The following DNAH14 variants were observed in gnomAD, a reference collection of about 807,000 sequenced individuals.
The protein encoded by DNAH14 is axonemal beta dynein heavy chain 14.
Under a neutral mutation model 520.9 loss-of-function variants are expected in DNAH14, and 478 were observed. The observed-to-expected ratio is 0.92, with a 90% CI of 0.85 to 0.99. The LOEUF is 0.99. Ranked by LOEUF, DNAH14 falls within the 50% of genes least tolerant of loss-of-function variation. The probability of loss-of-function intolerance (pLI) is 0.00; values close to 1 mark genes in which losing one functional copy is unlikely to be tolerated. For synonymous variants in DNAH14, 1,581 were observed against 1,757.2 expected (o/e 0.90, Z 2.51); for missense variants, 4,831 against 5,234.5 (o/e 0.92, Z 2.38).
At chr1:225,177,349 G>A (rs1178758374) in intron 36 of DNAH14, among the ~76,000 whole-genome samples, 1 of 152,174 alleles carries the variant, frequency 6.6e-6, no homozygotes, top group African/African-American at 2.4e-5. Context: ...GAGCATAAAA[G>A]TTTGGAAAAT....
In DNAH14 at chr1:224,995,325, G is replaced by T. The variant is rs538540558; in HGVS notation, c.831-7458G>T. Among the ~76,000 whole-genome samples the T allele has an allele frequency of 2.6e-5, 4 of 152,122 alleles. No homozygotes were observed. The East Asian group carries it at 7.7e-4, about 29-fold the overall frequency. Reference sequence around the variant, plus strand: ...TTGCTGGGGAAAATATTTTTGGCTTGCAGGGGTTGTTTTTTTTTCCCCCTT... The same window carrying T: ...TTGCTGGGGAAAATATTTTTGGCTTTCAGGGGTTGTTTTTTTTTCCCCCTT... On this transcript the variant is annotated intron_variant, in intron 8 of 85. Transcript: ENST00000682510.
intron 41 of DNAH14, among the ~76,000 whole-genome samples, chr1:225,208,701 A>G (rs1454653735): frequency 6.6e-6 from 1 of 152,172 alleles, no homozygotes; most frequent in Non-Finnish European, 1.5e-5. Flanking sequence ...TTTAAACATG[A>G]CAAAAAGTAA....
At chr1:225,031,784 GA>G (rs2066548880) in intron 11 of DNAH14, among the ~76,000 whole-genome samples, 1 of 151,950 alleles carries the variant, frequency 6.6e-6, no homozygotes, top group Non-Finnish European at 1.5e-5. Context: ...TTTAACTCCA[GA>G]AGACATTAAA....
chr1:224,932,442 C>T (rs1245455828), intron 1 of DNAH14, among the ~76,000 whole-genome samples: 1 of 152,034 alleles, frequency 6.6e-6, no homozygotes, highest in East Asian at 1.9e-4. Context: ...TTTTGCTGTG[C>T]AGAAACTTTC....
chr1:224,997,085 G>C (rs1032587840), intron 8 of DNAH14, among the ~76,000 whole-genome samples: 6 of 152,068 alleles, frequency 3.9e-5, no homozygotes, highest in African/African-American at 1.4e-4. Flanking sequence ...GCTGTTAGCT[G>C]GTACCTCAGA....
chr1:225,337,546 T>C, intron 67 of DNAH14, 50 bp downstream of exon 67: 1 of 1,432,578 alleles, frequency 7.0e-7, no homozygotes, highest in Non-Finnish European at 9.6e-7. Context: ...ACATATGTTG[T>C]ATGCACTGAG....
At chr1:225,027,281 C>T (rs998835827) in intron 11 of DNAH14, among the ~76,000 whole-genome samples, 15 of 152,036 alleles carry the variant, frequency 9.9e-5, no homozygotes, top group African/African-American at 3.6e-4. Context: ...GTAAGTACTT[C>T]AATACAGTGT....
intron 36 of DNAH14, 43 bp from the exon 37 acceptor site, chr1:225,185,248 T>C (rs751608242): frequency 6.5e-7 from 1 of 1,528,574 alleles, no homozygotes; most frequent in South Asian, 1.3e-5. Flanking sequence ...TTAATAAACT[T>C]AAAATCATTA....
At position 225,264,277 on chromosome 1, in the gene DNAH14, C is replaced by T. The variant is rs563906315; in HGVS notation, c.7222+16C>T. On this transcript the variant is annotated intron_variant, in intron 47 of 85. Coordinates refer to ENST00000682510, the MANE Select transcript of DNAH14 (RefSeq NM_001367479.1). ...GGAAGTTCAGGTATATATTATAGTA[C>T]AGTTTCAAAGCTATGCTATGTTTCA... 2.7e-4 allele frequency: 415 copies of T among 1,534,980 alleles called. No homozygotes were observed. The highest frequency in any genetic ancestry group is 3.3e-4 in the Non-Finnish European group (374 of 1,133,890).
At chr1:225,242,764 A>G (rs1039086422) in intron 43 of DNAH14, among the ~76,000 whole-genome samples, 4 of 152,236 alleles carry the variant, frequency 2.6e-5, no homozygotes, top group African/African-American at 9.6e-5. Context: ...AGATAATTGT[A>G]TATGCAACTG....
intron 10 of DNAH14, among the ~76,000 whole-genome samples, chr1:225,014,116 G>A (rs1266733887): frequency 6.6e-6 from 1 of 152,148 alleles, no homozygotes; most frequent in Non-Finnish European, 1.5e-5. Flanking sequence ...TGGTCTGTGG[G>A]TTGCCAAGAC....
At chr1:225,229,719 G>A (rs763276380) in intron 41 of DNAH14, among the ~76,000 whole-genome samples, 43 of 151,760 alleles carry the variant, frequency 2.8e-4, no homozygotes, top group Non-Finnish European at 4.9e-4. Flanking sequence ...GTTGAACAAT[G>A]AGAACATATG....
intron 64 of DNAH14, 75 bp from the exon 65 acceptor site, chr1:225,331,362 A>C (rs922092406): frequency 7.1e-7 from 1 of 1,415,086 alleles, no homozygotes; most frequent in African/African-American, 1.4e-5. Flanking sequence ...CTATATTTAT[A>C]TAAATGACAG....
chr1:225,012,207 T>A (rs2064832977), intron 10 of DNAH14, among the ~76,000 whole-genome samples: 1 of 152,184 alleles, frequency 6.6e-6, no homozygotes, highest in Non-Finnish European at 1.5e-5. Flanking sequence ...CCTTCACTTG[T>A]GAAGCTTAAT....
At chr1:225,263,015 GAACA>G (rs2092989470) in intron 46 of DNAH14, among the ~76,000 whole-genome samples, 1 of 149,994 alleles carries the variant, frequency 6.7e-6, no homozygotes, top group Admixed American at 6.7e-5. Context: ...AAAAAAAAAA[GAACA>G]AACAATAAAT....
intron 36 of DNAH14, among the ~76,000 whole-genome samples, chr1:225,180,719 G>A (rs1559204828): frequency 6.6e-6 from 1 of 152,184 alleles, no homozygotes; most frequent in Non-Finnish European, 1.5e-5. Context: ...TTATGAAGGT[G>A]ACAAATATTC....
At chr1:225,265,993 G>A (rs1020230391) in intron 48 of DNAH14, among the ~76,000 whole-genome samples, 4 of 151,936 alleles carry the variant, frequency 2.6e-5, no homozygotes, top group Admixed American at 2.0e-4. Context: ...CTATTTGTGG[G>A]TTTTTTACGT....
intron 51 of DNAH14, 85 bp downstream of exon 51, chr1:225,272,158 G>A: frequency 1.6e-6 from 2 of 1,275,654 alleles, no homozygotes; most frequent in Non-Finnish European, 2.1e-6. Flanking sequence ...TGTTAGAAGG[G>A]GAAAAAAGGG....
At chr1:225,252,678 A>C (rs1388785584) in intron 44 of DNAH14, among the ~76,000 whole-genome samples, 1 of 152,130 alleles carries the variant, frequency 6.6e-6, no homozygotes, top group Non-Finnish European at 1.5e-5. Context: ...GCACATTGAA[A>C]GTCTTCCTAA....
Sources: allele counts gnomAD v4.1 joint callset (sites outside exome capture counted in the v4.1 genomes callset), GRCh38; gene constraint gnomAD v4.1.1; transcripts MANE v1.5; gene names NCBI Gene and HGNC (gene_info 2026-07-23, HGNC 2026-07-21).